The following CSTF3 variants were observed in gnomAD, a reference collection of about 807,000 sequenced individuals.
CSTF3 encodes the protein CF-1 77 kDa subunit.
A neutral mutation model predicts 105.8 loss-of-function variants in CSTF3; 29 were observed. That is an observed-to-expected ratio of 0.27 (90% confidence interval 0.20 to 0.37). The LOEUF is 0.37. Ranked by LOEUF, CSTF3 falls within the 10% of genes least tolerant of loss-of-function variation. CSTF3 has a pLI of 1.00. For synonymous variants in CSTF3, 252 were observed against 281.9 expected, an observed-to-expected ratio of 0.89 and a Z score of 1.06; for missense variants, 357 against 879.3, an observed-to-expected ratio of 0.41 and a Z score of 7.51.
intron 1 of CSTF3, among the ~76,000 whole-genome samples, chr11:33,150,918 C>T (rs1590288650): frequency 1.3e-5 from 2 of 151,286 alleles, no homozygotes; most frequent in African/African-American, 4.8e-5. Flanking sequence ...TTTATAATTT[C>T]TTTTTTAGTA....
intron 3 of CSTF3, among the ~76,000 whole-genome samples, chr11:33,131,506 A>G (rs1427405382): frequency 6.6e-6 from 1 of 152,196 alleles, no homozygotes; most frequent in East Asian, 1.9e-4. Context: ...GCTAGTGACT[A>G]GAAGCCCACA....
intron 3 of CSTF3, among the ~76,000 whole-genome samples, chr11:33,110,893 G>GT (rs1313251430): frequency 6.6e-6 from 1 of 151,788 alleles, no homozygotes; most frequent in Non-Finnish European, 1.5e-5. Context: ...AAAAAAAAAT[G>GT]TATCTTTTGA....
chr11:33,156,826 T>A (rs1467792077), intron 1 of CSTF3: 1 of 371,244 alleles, frequency 2.7e-6, no homozygotes, highest in Non-Finnish European at 5.3e-6. Context: ...TAAATAATTT[T>A]TTTTAAAAGA....
At chr11:33,127,805 T>C (rs895092432) in intron 3 of CSTF3, among the ~76,000 whole-genome samples, 2 of 152,212 alleles carry the variant, frequency 1.3e-5, no homozygotes, top group East Asian at 3.8e-4. Flanking sequence ...TCAAAACATT[T>C]TACAGGGTTC....
intron 3 of CSTF3, among the ~76,000 whole-genome samples, chr11:33,135,884 C>A (rs767628913): frequency 6.6e-6 from 1 of 152,070 alleles, no homozygotes; most frequent in Non-Finnish European, 1.5e-5. Flanking sequence ...TGTAACTGAA[C>A]ATGTTCTGTC....
intron 3 of CSTF3, among the ~76,000 whole-genome samples, chr11:33,130,757 CTTT>C (rs1281615571): frequency 2.6e-5 from 4 of 151,910 alleles, no homozygotes; most frequent in Non-Finnish European, 5.9e-5. Flanking sequence ...AGAATATGTT[CTTT>C]GATTGAGTCC....
intron 3 of CSTF3, among the ~76,000 whole-genome samples, chr11:33,140,524 A>G (rs1224455028): frequency 6.6e-6 from 1 of 152,100 alleles, no homozygotes; most frequent in Non-Finnish European, 1.5e-5. Flanking sequence ...AAACTATAGC[A>G]CAAATACAAT....
At chr11:33,120,164 T>A (rs1565010430) in intron 3 of CSTF3, among the ~76,000 whole-genome samples, 1 of 151,658 alleles carries the variant, frequency 6.6e-6, no homozygotes, top group Non-Finnish European at 1.5e-5. Context: ...GGAAACACTG[T>A]AAATGATAAT....
At chr11:33,114,032 T>G (rs1855406920) in intron 3 of CSTF3, among the ~76,000 whole-genome samples, 1 of 152,238 alleles carries the variant, frequency 6.6e-6, no homozygotes, top group Admixed American at 6.5e-5. Context: ...TTCCCAAGCA[T>G]TAATTGGTCA....
At chr11:33,130,404 C>T (rs1855586626) in intron 3 of CSTF3, among the ~76,000 whole-genome samples, 1 of 152,076 alleles carries the variant, frequency 6.6e-6, no homozygotes, top group African/African-American at 2.4e-5. Context: ...ATGCAGGAGG[C>T]AGAGGCTGTG....
At chr11:33,096,466 G>A (rs1855224275) in intron 14 of CSTF3, 58 bp from the exon 15 acceptor site, 13 of 1,050,756 alleles carry the variant, frequency 1.2e-5, no homozygotes, top group Non-Finnish European at 1.9e-5. Context: ...AAAAACACTT[G>A]AAAGAATATT....
At chr11:33,158,285 C>T (rs188882136) in intron 1 of CSTF3, among the ~76,000 whole-genome samples, 98 of 152,144 alleles carry the variant, frequency 6.4e-4, no homozygotes, top group African/African-American at 2.3e-3. Flanking sequence ...GATATAAGAA[C>T]CACCAAAAAG....
In CSTF3 at chr11:33,105,633, T is replaced by C; in HGVS notation, c.519A>G (p.Gln173=). The C allele has an allele frequency of 1.2e-6, 2 of 1,613,446 alleles. No homozygotes were observed. Among genetic ancestry groups the C allele is most frequent in the Non-Finnish European group, 1.7e-6 (2 of 1,179,450 alleles). Residue 173 remains glutamine (Q), a synonymous_variant, in exon 8 of 21, where the codon CAA becomes CAG. Coordinates refer to ENST00000323959, the MANE Select transcript of CSTF3 (RefSeq NM_001326.3). ...QRITAVRRVY[Q]RGCVNPMINI... Reference sequence around the variant, plus strand: ...TGATCATCGGATTAACACAACCTCGTTGATAAACTCTTCGGACAGCTGTTA... The same window carrying C: ...TGATCATCGGATTAACACAACCTCGCTGATAAACTCTTCGGACAGCTGTTA...
At chr11:33,126,376 G>C (rs1855543089) in intron 3 of CSTF3, among the ~76,000 whole-genome samples, 1 of 152,062 alleles carries the variant, frequency 6.6e-6, no homozygotes. Context: ...CCACACGGTG[G>C]AGGTTACAGG....
rs551371475 is a variant in CSTF3 at position 33,148,860 on chromosome 11, GTT to G, written c.28-6876_28-6875del. ...GCATGTGTGTGTGTACTGTTGCTGT[GTT>G]TTTTTTTTTTTTTTTTAAAGAGACA... is the stretch of plus-strand genomic sequence containing the variant. On this transcript the variant is annotated intron_variant, in intron 1 of 20. Transcript: ENST00000323959. Among the ~76,000 whole-genome samples the G allele has an allele frequency of 4.9e-4, 66 of 133,644 alleles. 1 individual carries two copies. Among genetic ancestry groups the G allele is most frequent in the African/African-American group, 1.4e-3 (50 of 36,710 alleles). 87.7% of individuals were successfully genotyped at this position (133,644 alleles called of 152,430 possible). A position where few individuals can be genotyped will look rare whatever the true frequency, so the allele number is the denominator to read the frequency against.
chr11:33,114,478 T>A (rs996644673), intron 3 of CSTF3, among the ~76,000 whole-genome samples: 2 of 152,004 alleles, frequency 1.3e-5, no homozygotes, highest in African/African-American at 4.8e-5. Context: ...TCCCATAAAG[T>A]CAAAAGTTTT....
intron 10 of CSTF3, among the ~76,000 whole-genome samples, chr11:33,100,816 GAGTGGGCAAAGGAAACAATATTTGCA>G (rs1421423373): frequency 2.6e-5 from 4 of 152,094 alleles, no homozygotes; most frequent in Non-Finnish European, 4.4e-5. Context: ...TACAAAAATG[GAGTGGGCAAAGGAAACAATATTTGCA>G]AAGACCTGCA....
At chr11:33,145,416 ACT>A (rs1357398419) in intron 1 of CSTF3, among the ~76,000 whole-genome samples, 1 of 152,084 alleles carries the variant, frequency 6.6e-6, no homozygotes, top group African/African-American at 2.4e-5. Context: ...ACAGGGCAAG[ACT>A]CTGTGTCAAA....
At chr11:33,125,918 T>C (rs1855538402) in intron 3 of CSTF3, among the ~76,000 whole-genome samples, 1 of 152,198 alleles carries the variant, frequency 6.6e-6, no homozygotes, top group Non-Finnish European at 1.5e-5. Context: ...GTAAGTTCAA[T>C]GTTAATAAGA....
Sources: gnomAD v4.1 joint callset for allele counts (sites outside exome capture counted in the v4.1 genomes callset) on GRCh38, gnomAD v4.1.1 for gene constraint, MANE v1.5 for transcripts, NCBI Gene and HGNC (gene_info 2026-07-23, HGNC 2026-07-21) for gene names.